The following ATP2B4 variants were observed in gnomAD, a reference collection of about 807,000 sequenced individuals.
The protein encoded by ATP2B4 is ATPase plasma membrane Ca2+ transporting 4.
In ATP2B4, 39 loss-of-function variants were observed where a neutral mutation model predicts 110.3. The observed-to-expected ratio is 0.35, with a 90% CI of 0.27 to 0.46. ATP2B4 has a LOEUF of 0.46. ATP2B4 is among the 20% of genes least tolerant of loss of function. The pLI is 1.00. For missense variants in ATP2B4, 1,135 were observed against 1,530.9 expected, an observed-to-expected ratio of 0.74 and a Z score of 4.32; for synonymous variants, 538 against 571.7, an observed-to-expected ratio of 0.94 and a Z score of 0.84.
intron 8 of ATP2B4, among the ~76,000 whole-genome samples, chr1:203,706,637 G>A (rs1193695969): frequency 2.0e-5 from 3 of 152,096 alleles, no homozygotes; most frequent in Non-Finnish European, 1.5e-5. Flanking sequence ...ATTATGAATC[G>A]CAGGGAGAGG....
intron 1 of ATP2B4, among the ~76,000 whole-genome samples, chr1:203,652,673 CA>C (rs2102320410): frequency 6.6e-6 from 1 of 152,078 alleles, no homozygotes; most frequent in Non-Finnish European, 1.5e-5. Context: ...CAAAGTTTTT[CA>C]TTATTATTAT....
At chr1:203,669,253 ACCT>A (rs1435456846) in intron 1 of ATP2B4, among the ~76,000 whole-genome samples, 1 of 151,892 alleles carries the variant, frequency 6.6e-6, no homozygotes, top group African/African-American at 2.4e-5. Flanking sequence ...CTGCACCAAA[ACCT>A]CTGTGACTGT....
intron 1 of ATP2B4, among the ~76,000 whole-genome samples, chr1:203,650,834 C>G (rs916170047): frequency 6.6e-6 from 1 of 152,262 alleles, no homozygotes; most frequent in Non-Finnish European, 1.5e-5. Flanking sequence ...CTCTCATCCC[C>G]TTCCTCCCTC....
At chr1:203,676,579 C>T (rs141967984) in intron 1 of ATP2B4, among the ~76,000 whole-genome samples, 30 of 152,276 alleles carry the variant, frequency 2.0e-4, no homozygotes, top group Non-Finnish European at 3.7e-4. Context: ...AGGAGTAGAG[C>T]TTAAACCCCC....
intron 15 of ATP2B4, among the ~76,000 whole-genome samples, chr1:203,719,225 G>GAAAAAAAAAAAAAAAA (rs60841821): frequency 5.5e-5 from 3 of 54,410 alleles, no homozygotes; most frequent in African/African-American, 2.3e-4. Flanking sequence ...ACCCTGTCTC[G>GAAAAAAAAAAAAAAAA]AAAAAAAAAA....
chr1:203,723,418 A>ATCTCTCTCTCTC (rs1491262777), intron 18 of ATP2B4, among the ~76,000 whole-genome samples: 5 of 66,458 alleles, frequency 7.5e-5, no homozygotes, highest in African/African-American at 1.8e-4. Flanking sequence ...TTTGAGACAG[A>ATCTCTCTCTCTC]TATCTCTCTC....
At chr1:203,667,086 G>A (rs1355485211) in intron 1 of ATP2B4, among the ~76,000 whole-genome samples, 1 of 152,122 alleles carries the variant, frequency 6.6e-6, no homozygotes, top group African/African-American at 2.4e-5. Context: ...AGAGTAGCTG[G>A]GACTATAGGT....
intron 1 of ATP2B4, among the ~76,000 whole-genome samples, chr1:203,672,445 C>T (rs1664701728): frequency 6.8e-6 from 1 of 147,738 alleles, no homozygotes; most frequent in Admixed American, 7.0e-5. Context: ...ACATAAATAG[C>T]TTTACCGTCG....
chr1:203,661,734 G>C (rs1664343400), intron 1 of ATP2B4, among the ~76,000 whole-genome samples: 1 of 152,118 alleles, frequency 6.6e-6, no homozygotes. Flanking sequence ...AGCTTTGCCA[G>C]GTCCCTTGAG....
In ATP2B4 at chr1:203,698,352, A is replaced by T; in HGVS notation, c.389A>T (p.Glu130Val). Residue 130 changes from glutamate (E) to valine (V), a missense_variant and splice_region_variant, in exon 3 of 21, where the codon GAA becomes GTA. Transcript: ENST00000357681. ...SFYRPAGEEN[E>V]LCGQVATTPE... is the part of the protein sequence containing the mutation. ...TATCGCCCTGCTGGTGAAGAAAATG[A>T]ACGTGAGTGTCCTAAACAGCTCAGC... is the stretch of plus-strand genomic sequence containing the variant. 6.2e-7 allele frequency: 1 copy of T among 1,614,028 alleles called. No individual in the cohort carries two copies.
intron 2 of ATP2B4, among the ~76,000 whole-genome samples, chr1:203,684,795 C>T (rs535341110): frequency 1.4e-3 from 209 of 152,076 alleles, no homozygotes; most frequent in African/African-American, 4.9e-3. Context: ...TTTTTTTCAA[C>T]TCTGCTGGAT....
rs1012749086 is a variant in ATP2B4, at chr1:203,741,184, CA to C, written c.*1333del. 4 of 152,550 alleles carry C rather than the reference CA, an allele frequency of 2.6e-5. No homozygotes were observed. Among genetic ancestry groups the C allele is most frequent in the African/African-American group, 4.8e-5 (2 of 41,408 alleles). The allele number at this position is 152,550 out of a possible 1,614,324, so 9.4% of individuals were successfully genotyped here. A position where few individuals can be genotyped will look rare whatever the true frequency, so the allele number is the denominator to read the frequency against. ...TATTCTGATTTTGAAAATATGTATC[CA>C]AAGTGGGAGGCCCCTGTGACATTTT... On this transcript the variant is annotated 3_prime_UTR_variant, in exon 21 of 21. Coordinates refer to ENST00000357681, the MANE Select transcript of ATP2B4 (RefSeq NM_001684.5).
chr1:203,736,428 A>G (rs1195559882), intron 20 of ATP2B4, among the ~76,000 whole-genome samples: 1 of 151,976 alleles, frequency 6.6e-6, no homozygotes, highest in Non-Finnish European at 1.5e-5. Flanking sequence ...AGATCACGCC[A>G]TTGCACTCCA....
intron 17 of ATP2B4, 49 bp downstream of exon 17, chr1:203,721,459 G>A (rs771233002): frequency 1.3e-6 from 2 of 1,574,334 alleles, no homozygotes; most frequent in Non-Finnish European, 1.7e-6. Flanking sequence ...GTTGGAGGTG[G>A]GGGCAGAGAA....
In ATP2B4 at chr1:203,702,034, G is replaced by C; in HGVS notation, c.902-10G>C. The C allele has an allele frequency of 1.2e-6, 2 of 1,613,598 alleles. No individual in the cohort carries two copies. The highest frequency in any genetic ancestry group is 1.7e-6 in the Non-Finnish European group (2 of 1,179,846). On this transcript the variant is annotated splice_polypyrimidine_tract_variant and intron_variant, in intron 6 of 20. Coordinates refer to ENST00000357681, the MANE Select transcript of ATP2B4 (RefSeq NM_001684.5). The stretch of plus-strand genomic sequence containing the variant: ...TTTCGACCCCACTTTTTTCTTTCTT[G>C]TTCAAACAGGTAAAAAACAAGGAGT...
chr1:203,661,949 C>G (rs1353657442), intron 1 of ATP2B4, among the ~76,000 whole-genome samples: 1 of 152,158 alleles, frequency 6.6e-6, no homozygotes, highest in African/African-American at 2.4e-5. Flanking sequence ...ATGACTCTTC[C>G]ATCTGCTCTT....
chr1:203,732,262 C>T (rs1666751527), intron 20 of ATP2B4, among the ~76,000 whole-genome samples: 1 of 152,140 alleles, frequency 6.6e-6, no homozygotes, highest in Admixed American at 6.5e-5. Flanking sequence ...TTGTGTAAGC[C>T]TCGACCTGTA....
intron 20 of ATP2B4, among the ~76,000 whole-genome samples, chr1:203,729,009 T>A (rs1487243324): frequency 1.3e-5 from 2 of 151,830 alleles, no homozygotes; most frequent in African/African-American, 4.8e-5. Context: ...TCCCAGCTAC[T>A]TGGGAGGCTG....
rs143080204 is a variant in ATP2B4 at position 203,653,731 on chromosome 1, A to G, written c.-465+26512A>G. Among the ~76,000 whole-genome samples, 814 of 150,712 alleles carry G rather than the reference A, an allele frequency of 5.4e-3. 7 individuals carry two copies. Among genetic ancestry groups the G allele is most frequent in the African/African-American group, 0.019 (784 of 41,032 alleles). Reference sequence around the variant, plus strand: ...GCCACCACGCCCTGCTAACTTTTATATTTTTAGTAGAGACGGGGTTTCACC... The same window carrying G: ...GCCACCACGCCCTGCTAACTTTTATGTTTTTAGTAGAGACGGGGTTTCACC... On this transcript the variant is annotated intron_variant, in intron 1 of 20. Coordinates refer to ENST00000357681, the MANE Select transcript of ATP2B4 (RefSeq NM_001684.5).
Sources: allele counts gnomAD v4.1 joint callset (sites outside exome capture counted in the v4.1 genomes callset), GRCh38; gene constraint gnomAD v4.1.1; transcripts MANE v1.5; gene names NCBI Gene and HGNC (gene_info 2026-07-23, HGNC 2026-07-21).